The following FAM186A variants were observed in gnomAD, a reference collection of about 807,000 sequenced individuals.
FAM186A encodes the protein family with sequence similarity 186 member A, also known as protein FAM186A.
A neutral mutation model predicts 216.8 loss-of-function variants in FAM186A; 163 were observed. The ratio of observed to expected loss-of-function variants is 0.75; its 90% CI spans 0.66 to 0.86. FAM186A has a LOEUF of 0.86. Ranked by LOEUF, FAM186A falls within the 40% of genes least tolerant of loss-of-function variation. The pLI, the probability that FAM186A is intolerant of heterozygous loss-of-function variation, is 0.00. For synonymous variants in FAM186A, 805 were observed against 1,025.3 expected, an observed-to-expected ratio of 0.79 and a Z score of 4.10; for missense variants, 2,184 against 2,746.2, an observed-to-expected ratio of 0.80 and a Z score of 4.58.
intron 1 of FAM186A, among the ~76,000 whole-genome samples, chr12:50,367,510 C>A (rs1310689392): frequency 9.1e-5 from 6 of 66,266 alleles, no homozygotes; most frequent in African/African-American, 3.5e-4. Flanking sequence ...GAGCGAGACT[C>A]TGTCTCAAAA....
At chr12:50,342,046 G>A (rs1321350486) in intron 4 of FAM186A, among the ~76,000 whole-genome samples, 1 of 151,756 alleles carries the variant, frequency 6.6e-6, no homozygotes, top group Non-Finnish European at 1.5e-5. Context: ...AATACCATAA[G>A]AAGTAAACTG....
Position 50,373,007 on chromosome 12 carries a change from G to GAA in FAM186A, c.193-9645_193-9644dup, listed in dbSNP as rs71441364. 5.6e-5 allele frequency among the ~76,000 whole-genome samples: 4 copies of GAA among 71,718 alleles called. 1 individual carries two copies. The Admixed American group carries it at 6.7e-4, about 12-fold the overall frequency. The allele number at this position is 71,718 out of a possible 152,430, so 47.0% of individuals were successfully genotyped here. ...GGAAGGAAGGAAGGAATGAAAGAAA[G>GAA]AAAGAAAGAAAGAAAGAAAGAAAGA... On this transcript the variant is annotated intron_variant, in intron 1 of 7. Transcript: ENST00000327337.
intron 3 of FAM186A, among the ~76,000 whole-genome samples, chr12:50,359,683 C>G (rs1019786197): frequency 6.6e-5 from 10 of 152,132 alleles, no homozygotes; most frequent in African/African-American, 2.4e-4. Flanking sequence ...TGTGGTATAT[C>G]CAAACAACTG....
chr12:50,341,282 A>G (rs1043966711), intron 4 of FAM186A, among the ~76,000 whole-genome samples: 1 of 152,166 alleles, frequency 6.6e-6, no homozygotes, highest in African/African-American at 2.4e-5. Flanking sequence ...CTTACATATA[A>G]TATTAGAATC....
In FAM186A at chr12:50,328,813, G is replaced by A. The variant is rs540095089; in HGVS notation, c.7035-1409C>T. Among the ~76,000 whole-genome samples, 20 of 152,136 alleles carry A rather than the reference G, an allele frequency of 1.3e-4. No homozygotes were observed. In the East Asian group the frequency reaches 3.9e-3, roughly 30 times the overall value. Reference sequence around the variant, plus strand: ...ATGAGCCACCACTCCTGGCCTCGAAGTAGGTTTTAAAACATGTCCAGGCCG... The same window carrying A: ...ATGAGCCACCACTCCTGGCCTCGAAATAGGTTTTAAAACATGTCCAGGCCG... On this transcript the variant is annotated intron_variant, in intron 7 of 7. Transcript: ENST00000327337.
chr12:50,382,169 T>C (rs1189357715), intron 1 of FAM186A, among the ~76,000 whole-genome samples: 1 of 147,966 alleles, frequency 6.8e-6, no homozygotes, highest in Non-Finnish European at 1.5e-5. Flanking sequence ...TTGATGCCCA[T>C]GGCTTTCGTT....
At chr12:50,395,642 G>A (rs114372233) in intron 1 of FAM186A, among the ~76,000 whole-genome samples, 2,026 of 151,998 alleles carry the variant, frequency 0.013, 53 homozygotes, top group African/African-American at 0.046. Flanking sequence ...TATTCTCCTT[G>A]AATTTCTCCT....
intron 1 of FAM186A, among the ~76,000 whole-genome samples, chr12:50,394,613 A>AC (rs1943394750): frequency 6.6e-6 from 1 of 151,778 alleles, no homozygotes; most frequent in Non-Finnish European, 1.5e-5. Context: ...AGAGAGAGAG[A>AC]CAGAGGTCTT....
chr12:50,350,304 A>G, intron 4 of FAM186A, 25 bp downstream of exon 4: 1 of 1,486,484 alleles, frequency 6.7e-7, no homozygotes, highest in Non-Finnish European at 9.0e-7. Flanking sequence ...AAACCAGAAA[A>G]CTAGACGTAA....
At chr12:50,374,190 C>T (rs61926182) in intron 1 of FAM186A, among the ~76,000 whole-genome samples, 1 of 150,536 alleles carries the variant, frequency 6.6e-6, no homozygotes, top group African/African-American at 2.4e-5. Flanking sequence ...CTGGGAGATA[C>T]ACCTAATGCT....
chr12:50,365,708 C>A (rs1162145670), intron 1 of FAM186A: 1 of 747,196 alleles, frequency 1.3e-6, no homozygotes, highest in African/African-American at 1.7e-5. Flanking sequence ...AAAGGCATTT[C>A]AATACACCTT....
At chr12:50,342,052 A>G (rs1300428726) in intron 4 of FAM186A, among the ~76,000 whole-genome samples, 1 of 152,214 alleles carries the variant, frequency 6.6e-6, no homozygotes, top group Non-Finnish European at 1.5e-5. Flanking sequence ...ATAAGAAGTA[A>G]ACTGCCTGCC....
intron 6 of FAM186A, 134 bp downstream of exon 6, chr12:50,331,536 C>G: frequency 2.4e-6 from 2 of 845,394 alleles, no homozygotes; most frequent in Non-Finnish European, 3.4e-6. Flanking sequence ...GCCACCGCGC[C>G]CAGCCTAATA....
intron 5 of FAM186A, among the ~76,000 whole-genome samples, chr12:50,333,260 G>C (rs1195110342): frequency 1.3e-5 from 2 of 151,950 alleles, no homozygotes; most frequent in Non-Finnish European, 2.9e-5. Flanking sequence ...GGCCAGGCGT[G>C]GTGGCTCACG....
chr12:50,333,761 G>A, intron 5 of FAM186A, 150 bp downstream of exon 5: 1 of 772,964 alleles, frequency 1.3e-6, no homozygotes, highest in East Asian at 2.8e-5. Flanking sequence ...GTAAATTTCT[G>A]TTGTTTTAAG....
At position 50,356,948 on chromosome 12, in the gene FAM186A, G is replaced by A. The variant is rs368980289; in HGVS notation, c.584-700C>T. ...CGGGAGGCGGAGGTTGCAGTGAGCCGAGATTGCGCCACTGCACTCAAGCCT... is the reference window on the plus strand; with the variant it reads ...CGGGAGGCGGAGGTTGCAGTGAGCCAAGATTGCGCCACTGCACTCAAGCCT... On this transcript the variant is annotated intron_variant, in intron 3 of 7. Coordinates refer to ENST00000327337, the MANE Select transcript of FAM186A (RefSeq NM_001145475.3). Among the ~76,000 whole-genome samples the A allele has an allele frequency of 9.7e-4, 148 of 152,188 alleles. 1 individual carries two copies. The highest frequency in any genetic ancestry group is 6.8e-3 in the Middle Eastern group (2 of 294).
chr12:50,385,496 T>C (rs542282702), intron 1 of FAM186A, among the ~76,000 whole-genome samples: 26 of 150,380 alleles, frequency 1.7e-4, no homozygotes, highest in African/African-American at 4.6e-4. Context: ...TTCTAGACAA[T>C]GATTTTTGTA....
chr12:50,391,761 G>A (rs1033633244), intron 1 of FAM186A, among the ~76,000 whole-genome samples: 2 of 152,172 alleles, frequency 1.3e-5, no homozygotes, highest in Admixed American at 6.5e-5. Flanking sequence ...ATGGGCAACT[G>A]CAGCTGGCCT....
At position 50,369,428 on chromosome 12, in the gene FAM186A, T is replaced by C. The variant is rs1191473952; in HGVS notation, c.193-6064A>G. Among the ~76,000 whole-genome samples, 5 of 149,426 alleles carry C rather than the reference T, an allele frequency of 3.3e-5. No individual in the cohort carries two copies. The East Asian group carries it at 9.8e-4, about 29-fold the overall frequency. ...ATTACTTGAACCCGGGAGGCAGAGG[T>C]TGCAGTGAGCTGAGATCGAGCCACT... On this transcript the variant is annotated intron_variant, in intron 1 of 7. Coordinates refer to ENST00000327337, the MANE Select transcript of FAM186A (RefSeq NM_001145475.3).
Sources: gnomAD v4.1 joint callset for allele counts (sites outside exome capture counted in the v4.1 genomes callset) on GRCh38, gnomAD v4.1.1 for gene constraint, MANE v1.5 for transcripts, NCBI Gene and HGNC (gene_info 2026-07-23, HGNC 2026-07-21) for gene names.